The following SLC37A3 variants were observed in gnomAD, a reference collection of about 807,000 sequenced individuals.
The protein encoded by SLC37A3 is sugar phosphate exchanger 3.
In SLC37A3, 51 loss-of-function variants were observed where a neutral mutation model predicts 67.1. The ratio of observed to expected loss-of-function variants is 0.76; its 90% confidence interval spans 0.61 to 0.96. SLC37A3 has a LOEUF of 0.96. Among genes scored for constraint, SLC37A3 ranks in the 40% least tolerant of loss-of-function variants. SLC37A3 has a pLI of 0.00. For missense variants in SLC37A3, 508 were observed against 603.0 expected, an observed-to-expected ratio of 0.84 and a Z score of 1.65; for synonymous variants, 214 against 231.4, an observed-to-expected ratio of 0.92 and a Z score of 0.68.
At chr7:140,365,172 G>A (rs571844145) in intron 4 of SLC37A3, among the ~76,000 whole-genome samples, 130 of 152,332 alleles carry the variant, frequency 8.5e-4, no homozygotes, top group Non-Finnish European at 1.5e-3. Context: ...AAAATGCTGA[G>A]ATCATGGCAG....
chr7:140,362,124 C>T lies in SLC37A3; in HGVS notation c.375+2284G>A, dbSNP rs1186651814. 2.9e-5 allele frequency among the ~76,000 whole-genome samples: 4 copies of T among 139,050 alleles called. No homozygotes were observed. The South Asian group carries it at 1.0e-3, about 36-fold the overall frequency. The allele number at this position is 139,050 out of a possible 152,430, so 91.2% of individuals were successfully genotyped here. A position where few individuals can be genotyped will look rare whatever the true frequency, so the allele number is the denominator to read the frequency against. On this transcript the variant is annotated intron_variant, in intron 5 of 14. Transcript: ENST00000326232. ...AGTGAGGAGCGCCTCTTCCCGGCCG[C>T]CATCCCATCTAGGAAGCGAGGAGCG...
intron 3 of SLC37A3, among the ~76,000 whole-genome samples, chr7:140,378,048 C>G (rs1479130334): frequency 1.3e-5 from 2 of 152,162 alleles, no homozygotes; most frequent in Non-Finnish European, 2.9e-5. Context: ...AATCACCAAA[C>G]TAGGGGTGGT....
chr7:140,382,380 A>G, intron 2 of SLC37A3, 58 bp downstream of exon 2: 3 of 1,432,086 alleles, frequency 2.1e-6, no homozygotes, highest in South Asian at 2.3e-5. Context: ...GCCATGCAAT[A>G]TCTCCCTCAA....
intron 12 of SLC37A3, chr7:140,343,860 A>G (rs1585255463): frequency 3.2e-6 from 1 of 315,904 alleles, no homozygotes; most frequent in Non-Finnish European, 5.9e-6. Context: ...AACTAATTGC[A>G]CTAGCTTGTC....
intron 13 of SLC37A3, among the ~76,000 whole-genome samples, chr7:140,338,763 C>T (rs1352973696): frequency 4.0e-5 from 6 of 149,434 alleles, no homozygotes; most frequent in African/African-American, 7.4e-5. Flanking sequence ...TGAGCCACTG[C>T]GCCCGGACTT....
intron 8 of SLC37A3, 28 bp from the exon 9 acceptor site, chr7:140,351,479 A>C: frequency 6.2e-7 from 1 of 1,608,386 alleles, no homozygotes. Flanking sequence ...GCCACTGTTT[A>C]TGGAGTGCCT....
At chr7:140,343,900 T>C in intron 12 of SLC37A3, 1 of 266,848 alleles carries the variant, frequency 3.7e-6, no homozygotes, top group South Asian at 3.6e-5. Context: ...AGTTGCATCA[T>C]ATGATCATTC....
At chr7:140,369,101 CCT>C (rs774652698) in intron 4 of SLC37A3, among the ~76,000 whole-genome samples, 20 of 152,218 alleles carry the variant, frequency 1.3e-4, no homozygotes, top group Middle Eastern at 3.4e-3. Flanking sequence ...GCATCTCTGG[CCT>C]CTCTTCTTGC....
intron 3 of SLC37A3, among the ~76,000 whole-genome samples, chr7:140,373,038 G>A (rs1221850100): frequency 6.6e-6 from 1 of 151,998 alleles, no homozygotes; most frequent in African/African-American, 2.4e-5. Context: ...TGCGACCTCC[G>A]CCTATCGGGT....
chr7:140,380,885 A>ATTC lies in SLC37A3; in HGVS notation c.90-498_90-496dup, dbSNP rs1554432987. 9.3e-3 allele frequency among the ~76,000 whole-genome samples: 1,303 copies of ATTC among 139,958 alleles called. 100 individuals are homozygous for ATTC. Among genetic ancestry groups the ATTC allele is most frequent in the East Asian group, 0.04 (184 of 4,546 alleles). 91.8% of individuals were successfully genotyped at this position (139,958 alleles called of 152,430 possible). A position where few individuals can be genotyped will look rare whatever the true frequency, so the allele number is the denominator to read the frequency against. ...AAGCATGACACTGAACAATTTTAGA[A>ATTC]TTCTTCTTCTTCTTTTTTTTTTTTT... is the stretch of plus-strand genomic sequence containing the variant. On this transcript the variant is annotated intron_variant, in intron 2 of 14. Transcript: ENST00000326232.
intron 7 of SLC37A3, 32 bp from the exon 8 acceptor site, chr7:140,352,178 A>C: frequency 7.5e-7 from 1 of 1,334,150 alleles, no homozygotes; most frequent in Middle Eastern, 2.5e-4. Flanking sequence ...TGGTCCTTAC[A>C]TATCTGGGGA....
intron 1 of SLC37A3, among the ~76,000 whole-genome samples, chr7:140,392,918 T>C (rs1225168736): frequency 6.6e-6 from 1 of 152,018 alleles, no homozygotes; most frequent in Non-Finnish European, 1.5e-5. Flanking sequence ...ATGATGAAAC[T>C]ATGTCTCTAC....
In SLC37A3 at chr7:140,335,030, C is replaced by T. The variant is rs772608589; in HGVS notation, c.*382G>A. The T allele has an allele frequency of 4.4e-5, 24 of 549,408 alleles. No homozygotes were observed. The highest frequency in any genetic ancestry group is 6.1e-5 in the Non-Finnish European group (19 of 309,932). 34.0% of individuals were successfully genotyped at this position (549,408 alleles called of 1,614,324 possible). A position where few individuals can be genotyped will look rare whatever the true frequency, so the allele number is the denominator to read the frequency against. On this transcript the variant is annotated 3_prime_UTR_variant, in exon 15 of 15. Transcript: ENST00000326232. ...GAACATACCACCAACACAAACCACGCGTGGCTTTGCCTCCTGTTCACTCCA... is the reference window on the plus strand; with the variant it reads ...GAACATACCACCAACACAAACCACGTGTGGCTTTGCCTCCTGTTCACTCCA...
At chr7:140,381,751 G>C (rs1467486773) in intron 2 of SLC37A3, among the ~76,000 whole-genome samples, 1 of 151,572 alleles carries the variant, frequency 6.6e-6, no homozygotes, top group Non-Finnish European at 1.5e-5. Flanking sequence ...CTCCAAACAG[G>C]GTGATGAAAA....
At chr7:140,392,637 C>T (rs1798764880) in intron 1 of SLC37A3, among the ~76,000 whole-genome samples, 1 of 152,206 alleles carries the variant, frequency 6.6e-6, no homozygotes, top group Non-Finnish European at 1.5e-5. Context: ...TGTCTAACCT[C>T]TGCAGGTAAA....
Position 140,364,505 on chromosome 7 carries a change from A to G in SLC37A3, c.292-14T>C. On this transcript the variant is annotated splice_polypyrimidine_tract_variant and intron_variant, in intron 4 of 14. Coordinates refer to ENST00000326232, the MANE Select transcript of SLC37A3 (RefSeq NM_207113.3). ...GATGAATAGGCCCTAAAAATAAAGCATTTTCTTTTACAGCTCTAAATAATA... is the reference window on the plus strand; with the variant it reads ...GATGAATAGGCCCTAAAAATAAAGCGTTTTCTTTTACAGCTCTAAATAATA... 6.2e-7 allele frequency: 1 copy of G among 1,611,804 alleles called. No homozygotes were observed. The highest frequency in any genetic ancestry group is 8.5e-7 in the Non-Finnish European group (1 of 1,178,740).
At chr7:140,351,096 C>G (rs925694780) in intron 9 of SLC37A3, among the ~76,000 whole-genome samples, 177 bp downstream of exon 9, 1 of 152,122 alleles carries the variant, frequency 6.6e-6, no homozygotes, top group South Asian at 2.1e-4. Context: ...GTTTGTCAAC[C>G]CCTGCATTAG....
chr7:140,371,966 C>T (rs930068829), intron 3 of SLC37A3, among the ~76,000 whole-genome samples: 3 of 152,090 alleles, frequency 2.0e-5, no homozygotes, highest in Non-Finnish European at 4.4e-5. Flanking sequence ...ATTCTCCTCC[C>T]TCAACCTCCT....
intron 5 of SLC37A3, among the ~76,000 whole-genome samples, chr7:140,361,927 T>G (rs1797322355): frequency 6.9e-6 from 1 of 145,910 alleles, no homozygotes; most frequent in Non-Finnish European, 1.5e-5. Context: ...CTGCCTGCCT[T>G]GGCCCCCCAA....
Sources: gnomAD v4.1 joint callset for allele counts (sites outside exome capture counted in the v4.1 genomes callset) on GRCh38, gnomAD v4.1.1 for gene constraint, MANE v1.5 for transcripts, NCBI Gene and HGNC (gene_info 2026-07-23, HGNC 2026-07-21) for gene names.